TBL1X: variants seen among roughly 807,000 people sequenced by gnomAD.
TBL1X encodes the protein F-box-like/WD repeat-containing protein TBL1X.
A neutral mutation model predicts 50.7 loss-of-function variants in TBL1X; 10 were observed. The ratio of observed to expected loss-of-function variants is 0.20; its 90% CI spans 0.12 to 0.33. The LOEUF is 0.33. Among genes scored for constraint, TBL1X ranks in the 10% least tolerant of loss-of-function variants. TBL1X has a pLI of 1.00. For synonymous variants in TBL1X, 190 were observed against 214.7 expected (o/e 0.88, Z 1.01); for missense variants, 340 against 504.4 (o/e 0.67, Z 3.12).
intron 16 of TBL1X, among the ~76,000 whole-genome samples, chrX:9,712,233 A>G (rs944121920): frequency 2.6e-5 from 3 of 113,254 alleles, no homozygotes; most frequent in African/African-American, 9.6e-5. Context: ...CAGCTCCTGC[A>G]GCTCCCTTAC....
chrX:9,666,321 C>T (rs1952463010), intron 5 of TBL1X, among the ~76,000 whole-genome samples: 1 of 111,066 alleles, frequency 9.0e-6, no homozygotes, highest in Admixed American at 9.6e-5. Flanking sequence ...ATAAAAAAAT[C>T]ATATAACTAC....
At chrX:9,605,958 A>T (rs914533940) in intron 2 of TBL1X, among the ~76,000 whole-genome samples, 1 of 112,184 alleles carries the variant, frequency 8.9e-6, no homozygotes, top group African/African-American at 3.2e-5. Flanking sequence ...ATGACCCCAA[A>T]ACTCAGCAGG....
chrX:9,546,309 C>G (rs769665013), intron 2 of TBL1X, among the ~76,000 whole-genome samples: 1 of 111,727 alleles, frequency 9.0e-6, no homozygotes, highest in Non-Finnish European at 1.9e-5. Flanking sequence ...GTCAGGAGAT[C>G]GAGACCCATC....
intron 11 of TBL1X, 77 bp from the exon 12 acceptor site, chrX:9,697,292 T>A: frequency 8.5e-7 from 1 of 1,171,573 alleles, no homozygotes; most frequent in Non-Finnish European, 1.2e-6. Flanking sequence ...GGGCTGTCTT[T>A]TCTTGTATGA....
chrX:9,529,206 C>T (rs1167512036), intron 2 of TBL1X, among the ~76,000 whole-genome samples: 1 of 111,857 alleles, frequency 8.9e-6, no homozygotes, highest in Admixed American at 9.4e-5. Flanking sequence ...TAGCCATGCC[C>T]ATTGCTTTCT....
chrX:9,513,500 G>C (rs995804681), intron 2 of TBL1X, among the ~76,000 whole-genome samples: 6 of 111,743 alleles, frequency 5.4e-5, no homozygotes, highest in African/African-American at 2.0e-4. Flanking sequence ...TCGTCCACTT[G>C]GAATCCACAT....
intron 12 of TBL1X, among the ~76,000 whole-genome samples, chrX:9,701,584 AAAAAAAAAAAAAG>A (rs2083173046): frequency 9.3e-6 from 1 of 108,108 alleles, no homozygotes; most frequent in African/African-American, 3.4e-5. Context: ...AAAAAAAAAA[AAAAAAAAAAAAAG>A]AAGAAGAAAA....
chrX:9,581,521 T>A (rs1569064230), intron 2 of TBL1X, among the ~76,000 whole-genome samples: 1 of 111,434 alleles, frequency 9.0e-6, no homozygotes, highest in Admixed American at 9.5e-5. Flanking sequence ...TCTGGAGACA[T>A]TTTGGGTTGT....
intron 5 of TBL1X, among the ~76,000 whole-genome samples, chrX:9,670,597 G>C (rs2082955336): frequency 8.9e-6 from 1 of 112,265 alleles, no homozygotes; most frequent in East Asian, 2.8e-4. Flanking sequence ...GTGAATAATT[G>C]CATCTACAAA....
chrX:9,496,161 G>A (rs982536704), intron 1 of TBL1X, among the ~76,000 whole-genome samples: 5 of 112,296 alleles, frequency 4.5e-5, no homozygotes, highest in African/African-American at 9.7e-5. Flanking sequence ...GAAAGCGTGC[G>A]GTGAGGAGGA....
intron 3 of TBL1X, among the ~76,000 whole-genome samples, chrX:9,647,461 C>T (rs951604915): frequency 4.5e-5 from 5 of 111,808 alleles, no homozygotes; most frequent in African/African-American, 1.6e-4. Flanking sequence ...TTGAAGGTGT[C>T]TTTAATCAAA....
At chrX:9,645,617 T>C (rs1288278931) in intron 3 of TBL1X, among the ~76,000 whole-genome samples, 1 of 112,285 alleles carries the variant, frequency 8.9e-6, no homozygotes, top group Non-Finnish European at 1.9e-5. Context: ...ATATTTACCA[T>C]TTCAGACCAT....
rs1303409001 is a variant in TBL1X, at chrX:9,499,961, A to G, written c.-200-1819A>G. ...CCATTGCACTCCAGCCTGGGCAACA[A>G]GAGCAAAATCCTGTCTCCAAAAAAA... On this transcript the variant is annotated intron_variant, in intron 1 of 17. Transcript: ENST00000645353. Among the ~76,000 whole-genome samples the G allele has an allele frequency of 3.7e-5, 4 of 108,053 alleles. No homozygotes were observed. The East Asian group carries it at 1.2e-3, about 32-fold the overall frequency. 93.8% of individuals were successfully genotyped at this position (108,053 alleles called of 115,157 possible).
At chrX:9,494,246 C>T (rs1199552839) in intron 1 of TBL1X, among the ~76,000 whole-genome samples, 1 of 111,598 alleles carries the variant, frequency 9.0e-6, no homozygotes, top group Non-Finnish European at 1.9e-5. Flanking sequence ...AGAGAGGAAC[C>T]AAATTCCAGA....
chrX:9,682,794 C>A (rs1219340636), intron 5 of TBL1X, among the ~76,000 whole-genome samples: 1 of 112,251 alleles, frequency 8.9e-6, no homozygotes, highest in Non-Finnish European at 1.9e-5. Flanking sequence ...AGCAGATTCT[C>A]AGCCTGCAGA....
chrX:9,658,702 G>A (rs2082879108), intron 5 of TBL1X, among the ~76,000 whole-genome samples: 1 of 111,733 alleles, frequency 8.9e-6, no homozygotes, highest in South Asian at 3.7e-4. Flanking sequence ...GAATACAGGG[G>A]GACAGAACCA....
chrX:9,705,681 A>G, intron 13 of TBL1X, among the ~76,000 whole-genome samples: 1 of 103,731 alleles, frequency 9.6e-6, no homozygotes. Context: ...CAGTAGCACC[A>G]CTGCACTCCA....
chrX:9,617,975 A>G (rs2074033), intron 2 of TBL1X, among the ~76,000 whole-genome samples: 33,857 of 109,886 alleles, frequency 0.31, 4,453 homozygotes, highest in East Asian at 0.7. Flanking sequence ...GCAGCATCCC[A>G]GGACCCAGGA....
chrX:9,687,951 G>T (rs756793563), intron 6 of TBL1X, 66 bp from the exon 7 acceptor site: 3 of 1,148,741 alleles, frequency 2.6e-6, no homozygotes, highest in African/African-American at 3.8e-5. Flanking sequence ...TGCCCAGAGA[G>T]CAGAGGCCAT....
Sources: allele counts gnomAD v4.1 joint callset (sites outside exome capture counted in the v4.1 genomes callset), GRCh38; gene constraint gnomAD v4.1.1; transcripts MANE v1.5; gene names NCBI Gene and HGNC (gene_info 2026-07-23, HGNC 2026-07-21).